The following ZNF133 variants were observed in gnomAD, a reference collection of about 807,000 sequenced individuals.
The protein encoded by ZNF133 is zinc finger protein 133 (clone pHZ-13).
ZNF133 carries 26 observed loss-of-function variants against 54.9 expected under a neutral mutation model. That is an observed-to-expected ratio of 0.47 (90% CI 0.35 to 0.66). The LOEUF is 0.66. Among genes scored for constraint, ZNF133 ranks in the 30% least tolerant of loss-of-function variants. The pLI, the probability that ZNF133 is intolerant of heterozygous loss-of-function variation, is 0.01. For synonymous variants in ZNF133, 298 were observed against 320.3 expected (o/e 0.93, Z 0.74); for missense variants, 653 against 820.8 (o/e 0.80, Z 2.50).
In ZNF133 at chr20:18,306,583, G is replaced by T. The variant is rs990649669; in HGVS notation, c.217+190G>T. ...TTCGAGTATGGACGGGGCTTTCCTG[G>T]TGTCTCGTCTCCTTCCTCCACTAGG... On this transcript the variant is annotated intron_variant, in intron 6 of 6. Coordinates refer to ENST00000425686, the MANE Select transcript of ZNF133 (RefSeq NM_001352452.2). 36 of 860,644 alleles carry T rather than the reference G, an allele frequency of 4.2e-5. No individual in the cohort carries two copies. The African/African-American group carries it at 5.5e-4, about 13-fold the overall frequency. The allele number at this position is 860,644 out of a possible 1,614,324, so 53.3% of individuals were successfully genotyped here.
At chr20:18,291,666 C>T (rs1235641796) in intron 1 of ZNF133, among the ~76,000 whole-genome samples, 1 of 151,766 alleles carries the variant, frequency 6.6e-6, no homozygotes, top group Non-Finnish European at 1.5e-5. Context: ...GTGCAACTCA[C>T]ATCCTGGTCC....
intron 6 of ZNF133, among the ~76,000 whole-genome samples, chr20:18,309,322 A>G (rs2045353286): frequency 6.6e-6 from 1 of 152,246 alleles, no homozygotes; most frequent in Non-Finnish European, 1.5e-5. Context: ...TCTCCGCCGA[A>G]TATATAGTTC....
At position 18,298,406 on chromosome 20, in the gene ZNF133, T is replaced by C; in HGVS notation, c.-236T>C. 8 of 1,045,484 alleles carry C rather than the reference T, an allele frequency of 7.7e-6. No homozygotes were observed. The highest frequency in any genetic ancestry group is 9.4e-6 in the Non-Finnish European group (8 of 851,358). 64.8% of individuals were successfully genotyped at this position (1,045,484 alleles called of 1,614,324 possible). On this transcript the variant is annotated 5_prime_UTR_variant, in exon 3 of 7. Coordinates refer to ENST00000425686, the MANE Select transcript of ZNF133 (RefSeq NM_001352452.2). ...GCAGGATCTATCAGGTGTACCTATT[T>C]TGGAACTCTGGAGTCTAGTTGAAGG...
chr20:18,313,372 A>G (rs1395772214), intron 6 of ZNF133: 5 of 152,264 alleles, frequency 3.3e-5, no homozygotes, highest in Non-Finnish European at 7.3e-5. Flanking sequence ...CACTTTACAC[A>G]TAGGCACAGC....
At chr20:18,298,616 A>T (rs2042712289) in intron 3 of ZNF133, among the ~76,000 whole-genome samples, 152 bp downstream of exon 3, 2 of 152,162 alleles carry the variant, frequency 1.3e-5, no homozygotes, top group African/African-American at 4.8e-5. Context: ...CTTTACTCCA[A>T]ATATTGAGGA....
intron 1 of ZNF133, among the ~76,000 whole-genome samples, chr20:18,293,330 G>A (rs557263108): frequency 1.3e-5 from 2 of 152,302 alleles, no homozygotes; most frequent in Admixed American, 6.5e-5. Flanking sequence ...ACATATTTTC[G>A]TGGGTTCCAT....
In ZNF133 at chr20:18,316,756, A is replaced by G; in HGVS notation, c.1905A>G (p.Pro635=). ...CCACGTCTGTCCACCACAGACTGCC[A>G]GTGCAGCCCGACCCTGAGCCGTGTG... ...RKTTSVHHRL[P]VQPDPEPCAG... is the part of the protein sequence containing the mutation. The change falls in exon 7 of 7, where the codon CCA becomes CCG. Residue 635 remains proline (P), a synonymous_variant. Transcript: ENST00000425686. 6.2e-7 allele frequency: 1 copy of G among 1,614,204 alleles called. No individual in the cohort carries two copies. The highest frequency in any genetic ancestry group is 8.5e-7 in the Non-Finnish European group (1 of 1,180,026).
chr20:18,308,071 A>G (rs1184968541), intron 6 of ZNF133, among the ~76,000 whole-genome samples: 1 of 152,138 alleles, frequency 6.6e-6, no homozygotes, highest in Non-Finnish European at 1.5e-5. Context: ...ATTTACCATT[A>G]CTAGTGGTTA....
At chr20:18,303,249 G>A (rs1156757039) in intron 3 of ZNF133, among the ~76,000 whole-genome samples, 1 of 152,070 alleles carries the variant, frequency 6.6e-6, no homozygotes, top group Non-Finnish European at 1.5e-5. Context: ...GTTTCGCCAT[G>A]TTGGCCAGGC....
chr20:18,292,624 C>T (rs1475744681), intron 1 of ZNF133, among the ~76,000 whole-genome samples: 1 of 152,176 alleles, frequency 6.6e-6, no homozygotes, highest in African/African-American at 2.4e-5. Context: ...TTTCTCCTTC[C>T]CTGCTTTATT....
intron 3 of ZNF133, among the ~76,000 whole-genome samples, chr20:18,299,509 CAGAG>C (rs1320986311): frequency 2.0e-5 from 3 of 152,074 alleles, no homozygotes; most frequent in Non-Finnish European, 2.9e-5. Context: ...AAAAAAGGGA[CAGAG>C]AGATTGTTTG....
At chr20:18,303,379 C>A (rs572850567) in intron 3 of ZNF133, among the ~76,000 whole-genome samples, 1 of 152,004 alleles carries the variant, frequency 6.6e-6, no homozygotes, top group Non-Finnish European at 1.5e-5. Flanking sequence ...TAATACTACT[C>A]AAACCAATCT....
chr20:18,314,475 GC>G (rs1291437668), intron 6 of ZNF133: 6 of 152,230 alleles, frequency 3.9e-5, no homozygotes, highest in Admixed American at 3.9e-4. Flanking sequence ...ACTGCTGAAA[GC>G]CTACTGCCTC....
Position 18,316,757 on chromosome 20 carries a change from G to T in ZNF133, c.1906G>T (p.Val636Leu), listed in dbSNP as rs771177326. 6.2e-7 allele frequency: 1 copy of T among 1,614,206 alleles called. No individual in the cohort carries two copies. Among genetic ancestry groups the T allele is most frequent in the South Asian group, 1.1e-5 (1 of 91,090 alleles). Residue 636 changes from valine to leucine, a missense_variant, in exon 7 of 7, where the codon GTG becomes TTG. Val to Leu is a conservative substitution (Grantham distance 32). This residue lies in a region of ZNF133 where 129 missense variants were observed against 138.5 expected (regional missense o/e 0.93). Transcript: ENST00000425686. Reference protein sequence around the residue: ...KTTSVHHRLPVQPDPEPCAGQ... With the variant: ...KTTSVHHRLPLQPDPEPCAGQ... ...CACGTCTGTCCACCACAGACTGCCA[G>T]TGCAGCCCGACCCTGAGCCGTGTGC...
At position 18,316,312 on chromosome 20, in the gene ZNF133, G is replaced by A. The variant is rs139392054; in HGVS notation, c.1461G>A (p.Thr487=). Residue 487 remains threonine, a synonymous_variant, in exon 7 of 7, where the codon ACG becomes ACA. Coordinates refer to ENST00000425686, the MANE Select transcript of ZNF133 (RefSeq NM_001352452.2). The part of the protein sequence containing the change: ...QQSNLIRHQR[T]HSGEKPMVCG... ...CCAACCTCATCAGACACCAGAGGACGCACTCAGGCGAGAAGCCCATGGTGT... is the reference window on the plus strand; with the variant it reads ...CCAACCTCATCAGACACCAGAGGACACACTCAGGCGAGAAGCCCATGGTGT... 1.2e-3 allele frequency: 1,899 copies of A among 1,610,758 alleles called. 3 individuals are homozygous for A. The highest frequency in any genetic ancestry group is 1.2e-3 in the Non-Finnish European group (1,405 of 1,178,944).
intron 3 of ZNF133, among the ~76,000 whole-genome samples, chr20:18,302,090 G>A (rs1881274609): frequency 6.6e-6 from 1 of 152,046 alleles, no homozygotes; most frequent in Non-Finnish European, 1.5e-5. Flanking sequence ...ATGCAGGATT[G>A]TTCAACATAC....
At chr20:18,289,992 C>T (rs2040584269) in intron 1 of ZNF133, 1 of 152,458 alleles carries the variant, frequency 6.6e-6, no homozygotes, top group African/African-American at 2.4e-5. Context: ...CTTGTTCTGC[C>T]TCCCTGTGGC....
At chr20:18,306,101 C>T (rs1263537876) in intron 5 of ZNF133, among the ~76,000 whole-genome samples, 197 bp from the exon 6 acceptor site, 2 of 152,100 alleles carry the variant, frequency 1.3e-5, no homozygotes, top group African/African-American at 4.8e-5. Flanking sequence ...TTCATCTACT[C>T]GGCATGGAAT....
At chr20:18,300,995 G>C (rs1050022901) in intron 3 of ZNF133, among the ~76,000 whole-genome samples, 2 of 152,038 alleles carry the variant, frequency 1.3e-5, no homozygotes, top group African/African-American at 4.8e-5. Flanking sequence ...AACAAAAATA[G>C]AATACACGTT....
Sources: gnomAD v4.1 joint callset for allele counts (sites outside exome capture counted in the v4.1 genomes callset) on GRCh38, gnomAD v4.1.1 for gene constraint, gnomAD v4.1.1 regional missense constraint, MANE v1.5 for transcripts, NCBI Gene and HGNC (gene_info 2026-07-23, HGNC 2026-07-21) for gene names.